The following RELCH variants were observed in gnomAD, a reference collection of about 807,000 sequenced individuals.
The protein encoded by RELCH is RAB11 binding and LisH domain, coiled-coil and HEAT repeat containing.
A neutral mutation model predicts 150.3 loss-of-function variants in RELCH; 41 were observed. The observed-to-expected ratio is 0.27, with a 90% confidence interval of 0.21 to 0.35. RELCH has a LOEUF of 0.35. RELCH is among the 10% of genes least tolerant of loss of function. The pLI, the probability that RELCH is intolerant of heterozygous loss-of-function variation, is 1.00. For synonymous variants in RELCH, 478 were observed against 531.8 expected, an observed-to-expected ratio of 0.90 and a Z score of 1.39; for missense variants, 1,092 against 1,467.8, an observed-to-expected ratio of 0.74 and a Z score of 4.18.
At chr18:62,304,758 A>C (rs905860410) in intron 28 of RELCH, among the ~76,000 whole-genome samples, 3 of 152,184 alleles carry the variant, frequency 2.0e-5, no homozygotes, top group African/African-American at 7.2e-5. Flanking sequence ...GGTCATTTAG[A>C]TTGTGTTTAT....
chr18:62,277,529 T>TA lies in RELCH; in HGVS notation c.2967+2062dup, dbSNP rs539409196. ...AATTTAGAATTATGCCTGCTTACCC[T>TA]AAAAAAGTTAATTCAAAATAAAAAC... On this transcript the variant is annotated intron_variant, in intron 22 of 28. Coordinates refer to ENST00000644646, the MANE Select transcript of RELCH (RefSeq NM_001346231.2). The TA allele has an allele frequency of 2.8e-4, 187 of 672,818 alleles. No individual in the cohort carries two copies. The African/African-American group carries it at 3.4e-3, about 12-fold the overall frequency. The allele number at this position is 672,818 out of a possible 1,614,324, so 41.7% of individuals were successfully genotyped here. A position where few individuals can be genotyped will look rare whatever the true frequency, so the allele number is the denominator to read the frequency against.
At chr18:62,229,311 A>G (rs2041408046) in intron 8 of RELCH, among the ~76,000 whole-genome samples, 1 of 152,122 alleles carries the variant, frequency 6.6e-6, no homozygotes, top group Non-Finnish European at 1.5e-5. Flanking sequence ...CCACAAGGTC[A>G]TACTTCGTTT....
At chr18:62,220,905 G>T in intron 2 of RELCH, 132 bp from the exon 3 acceptor site, 1 of 765,696 alleles carries the variant, frequency 1.3e-6, no homozygotes. Flanking sequence ...GTTTCATAAA[G>T]ATTGCATGCT....
At chr18:62,212,196 C>T (rs997201194) in intron 2 of RELCH, among the ~76,000 whole-genome samples, 1 of 152,216 alleles carries the variant, frequency 6.6e-6, no homozygotes, top group Non-Finnish European at 1.5e-5. Context: ...GAATTCACCC[C>T]GTTAGCAGCC....
intron 25 of RELCH, among the ~76,000 whole-genome samples, chr18:62,283,110 AGAGTTT>A (rs1313786988): frequency 1.3e-5 from 2 of 152,214 alleles, no homozygotes; most frequent in Non-Finnish European, 2.9e-5. Flanking sequence ...GTGCTGCCTT[AGAGTTT>A]ATTTTTTATT....
intron 15 of RELCH, among the ~76,000 whole-genome samples, chr18:62,259,818 G>A (rs940322263): frequency 4.0e-5 from 6 of 151,878 alleles, no homozygotes; most frequent in Non-Finnish European, 5.9e-5. Flanking sequence ...AGAGAACCCA[G>A]AAATAAATTC....
At position 62,264,744 on chromosome 18, in the gene RELCH, A is replaced by G; in HGVS notation, c.2523A>G (p.Ile841Met). Residue 841 changes from isoleucine (I) to methionine (M), a missense_variant, in exon 18 of 29, where the codon ATA (isoleucine) becomes ATG (methionine). By Grantham distance (10) the Ile-to-Met change is conservative. Transcript: ENST00000644646. ...WVVNQLLPQL[I>M]EIVGKINVTS... ...TCATATTCAGGTTGCCACAACTTAT[A>G]GAAATAGTTGGCAAAATTAATGTTA... The G allele has an allele frequency of 6.3e-7, 1 of 1,595,262 alleles. No homozygotes were observed. The highest frequency in any genetic ancestry group is 8.6e-7 in the Non-Finnish European group (1 of 1,167,718).
intron 2 of RELCH, 121 bp downstream of exon 2, chr18:62,211,363 CAA>C: frequency 1.9e-6 from 1 of 534,018 alleles, no homozygotes; most frequent in Non-Finnish European, 3.2e-6. Context: ...AGTTATTATA[CAA>C]AGTTATGTTA....
At chr18:62,239,797 A>C (rs1476884000) in intron 10 of RELCH, among the ~76,000 whole-genome samples, 4 of 151,412 alleles carry the variant, frequency 2.6e-5, no homozygotes, top group Admixed American at 6.6e-5. Context: ...TTTTCCTTAT[A>C]CCCTTTGTTT....
chr18:62,288,884 G>A (rs1457889319), intron 26 of RELCH, among the ~76,000 whole-genome samples: 1 of 152,118 alleles, frequency 6.6e-6, no homozygotes, highest in East Asian at 1.9e-4. Context: ...GTGGTGCATC[G>A]CAGAGTTTGT....
At position 62,217,026 on chromosome 18, in the gene RELCH, T is replaced by G. The variant is rs932078665; in HGVS notation, c.617-4011T>G. On this transcript the variant is annotated intron_variant, in intron 2 of 28. Transcript: ENST00000644646. ...AGATAAATAGCATTTTGAAAATAGA[T>G]TTCTTGTTATTCGTCACCATGAAAT... Among the ~76,000 whole-genome samples, 33 of 152,036 alleles carry G rather than the reference T, an allele frequency of 2.2e-4. 1 individual carries two copies. The highest frequency in any genetic ancestry group is 6.6e-5 in the Admixed American group (1 of 15,264).
At position 62,290,137 on chromosome 18, in the gene RELCH, A is replaced by T. The variant is rs572690393; in HGVS notation, c.3371-1406A>T. On this transcript the variant is annotated intron_variant, in intron 26 of 28. Transcript: ENST00000644646. ...TGTCTGTGAACAATTTTTATTTATA[A>T]CTGTATTTTCAAAGCAGTAGTTACA... Among the ~76,000 whole-genome samples the T allele has an allele frequency of 1.2e-4, 18 of 152,316 alleles. 1 individual carries two copies. The South Asian group carries it at 2.7e-3, about 23-fold the overall frequency.
Position 62,280,655 on chromosome 18 carries a change from G to T in RELCH, c.3060G>T (p.Arg1020Ser). Residue 1020 changes from arginine to serine, a missense_variant, in exon 24 of 29, where the codon AGG becomes AGT. Coordinates refer to ENST00000644646, the MANE Select transcript of RELCH (RefSeq NM_001346231.2). ...TLSSDPEISV[R>S]IATIPAFGTI... is the part of the protein sequence containing the mutation. ...GTTTTAATTCTAACAGCTCTGTCAG[G>T]ATTGCCACAATTCCAGCCTTTGGCA... 1 of 1,610,410 alleles carries T rather than the reference G, an allele frequency of 6.2e-7. No homozygotes were observed. The highest frequency in any genetic ancestry group is 8.5e-7 in the Non-Finnish European group (1 of 1,176,872).
At chr18:62,253,488 A>G (rs976797184) in intron 12 of RELCH, among the ~76,000 whole-genome samples, 4 of 152,258 alleles carry the variant, frequency 2.6e-5, no homozygotes, top group South Asian at 2.1e-4. Flanking sequence ...TTGACTTTCT[A>G]GACTTAATGT....
chr18:62,243,833 C>T (rs2042268928), intron 10 of RELCH, among the ~76,000 whole-genome samples: 2 of 151,954 alleles, frequency 1.3e-5, no homozygotes, highest in African/African-American at 4.8e-5. Flanking sequence ...TAACAGTTTT[C>T]GGTGAGTATC....
At chr18:62,236,052 CA>C (rs2041862154) in intron 10 of RELCH, among the ~76,000 whole-genome samples, 1 of 152,042 alleles carries the variant, frequency 6.6e-6, no homozygotes, top group South Asian at 2.1e-4. Context: ...AGGAAAGCTT[CA>C]ATCTTTCACC....
intron 28 of RELCH, among the ~76,000 whole-genome samples, chr18:62,304,927 A>C (rs1235180832): frequency 6.6e-6 from 1 of 152,216 alleles, no homozygotes; most frequent in Non-Finnish European, 1.5e-5. Context: ...ACAAAACTTC[A>C]TTGCAATTTA....
chr18:62,283,842 G>A (rs2044649911), intron 25 of RELCH, among the ~76,000 whole-genome samples: 1 of 152,218 alleles, frequency 6.6e-6, no homozygotes, highest in African/African-American at 2.4e-5. Context: ...TGGATTAAAG[G>A]ATAGGCTCAA....
chr18:62,214,290 T>A (rs984000136), intron 2 of RELCH, among the ~76,000 whole-genome samples: 2 of 151,906 alleles, frequency 1.3e-5, no homozygotes, highest in Non-Finnish European at 2.9e-5. Context: ...GAAACTTTTT[T>A]TAAAAAAATT....
Sources: gnomAD v4.1 joint callset for allele counts (sites outside exome capture counted in the v4.1 genomes callset) on GRCh38, gnomAD v4.1.1 for gene constraint, MANE v1.5 for transcripts, NCBI Gene and HGNC (gene_info 2026-07-23, HGNC 2026-07-21) for gene names.